The following DPYD variants were observed in gnomAD, a reference collection of about 807,000 sequenced individuals.
The protein encoded by DPYD is dihydropyrimidine dehydrogenase.
In DPYD, 109 loss-of-function variants were observed where a neutral mutation model predicts 116.2. The ratio of observed to expected loss-of-function variants is 0.94; its 90% confidence interval spans 0.80 to 1.10. The LOEUF (loss-of-function observed/expected upper bound fraction) is 1.10, where lower values mean the gene tolerates loss of function less well. DPYD is among the 50% of genes least tolerant of loss of function. The probability of loss-of-function intolerance (pLI) is 0.00; values close to 1 mark genes in which losing one functional copy is unlikely to be tolerated. For synonymous variants in DPYD, 440 were observed against 432.0 expected (o/e 1.02, Z -0.23); for missense variants, 1,302 against 1,254.5 (o/e 1.04, Z -0.57).
intron 2 of DPYD, among the ~76,000 whole-genome samples, chr1:97,833,929 T>C (rs1669645587): frequency 6.6e-6 from 1 of 152,054 alleles, no homozygotes; most frequent in Non-Finnish European, 1.5e-5. Flanking sequence ...CCTTAAAAAA[T>C]TACATTTTCA....
At chr1:97,868,342 T>C (rs1012317794) in intron 2 of DPYD, among the ~76,000 whole-genome samples, 12 of 151,776 alleles carry the variant, frequency 7.9e-5, no homozygotes, top group African/African-American at 2.7e-4. Flanking sequence ...CTTGATAACA[T>C]ACTATCTTGA....
intron 18 of DPYD, among the ~76,000 whole-genome samples, chr1:97,280,951 G>C (rs1665284028): frequency 6.6e-6 from 1 of 152,042 alleles, no homozygotes; most frequent in Non-Finnish European, 1.5e-5. Flanking sequence ...ACCCCGATTT[G>C]ATCATTATAC....
intron 8 of DPYD, among the ~76,000 whole-genome samples, chr1:97,653,256 G>A (rs1287813380): frequency 6.6e-6 from 1 of 151,148 alleles, no homozygotes; most frequent in Non-Finnish European, 1.5e-5. Context: ...AATGGAATCA[G>A]GTAAAAGTGG....
At chr1:97,631,860 T>G (rs1657280125) in intron 8 of DPYD, among the ~76,000 whole-genome samples, 1 of 151,874 alleles carries the variant, frequency 6.6e-6, no homozygotes, top group Non-Finnish European at 1.5e-5. Context: ...AAAAATAATA[T>G]TAGAGTATTT....
chr1:97,550,262 C>T (rs959172358), intron 11 of DPYD, among the ~76,000 whole-genome samples: 1 of 151,794 alleles, frequency 6.6e-6, no homozygotes, highest in African/African-American at 2.4e-5. Context: ...ATTATTTGCA[C>T]TTACTATTAA....
Position 97,828,097 on chromosome 1 carries a change from T to C in DPYD, c.233+17A>G. The stretch of plus-strand genomic sequence containing the variant: ...TTTACCACATCTGTGACTGTTGCTA[T>C]GGTGACCCAGACTTACCTCATTGCT... On this transcript the variant is annotated intron_variant, in intron 3 of 22. Transcript: ENST00000370192. 6.2e-7 allele frequency: 1 copy of C among 1,612,316 alleles called. No homozygotes were observed. Among genetic ancestry groups the C allele is most frequent in the Non-Finnish European group, 8.5e-7 (1 of 1,178,590 alleles).
At chr1:97,755,065 T>C (rs1485326545) in intron 3 of DPYD, among the ~76,000 whole-genome samples, 3 of 152,150 alleles carry the variant, frequency 2.0e-5, no homozygotes, top group Non-Finnish European at 4.4e-5. Context: ...GAAAGTAGCA[T>C]AGAGGTTGCA....
intron 2 of DPYD, among the ~76,000 whole-genome samples, chr1:97,840,276 A>G (rs548280857): frequency 6.6e-6 from 1 of 152,196 alleles, no homozygotes; most frequent in African/African-American, 2.4e-5. Flanking sequence ...CTCTCCCTTA[A>G]TCAACGAAAT....
At chr1:97,583,926 C>A (rs1653892239) in intron 10 of DPYD, among the ~76,000 whole-genome samples, 2 of 152,064 alleles carry the variant, frequency 1.3e-5, no homozygotes, top group Admixed American at 6.5e-5. Context: ...TGGGTATATA[C>A]CCAGTAATAG....
At chr1:97,186,731 C>T (rs1658016278) in intron 20 of DPYD, among the ~76,000 whole-genome samples, 1 of 152,144 alleles carries the variant, frequency 6.6e-6, no homozygotes, top group Admixed American at 6.5e-5. Context: ...CGCCTGTAAT[C>T]CCAGCTACTG....
chr1:97,373,784 A>G (rs1016455880), intron 15 of DPYD, 140 bp from the exon 16 acceptor site: 59 of 712,784 alleles, frequency 8.3e-5, no homozygotes, highest in Non-Finnish European at 7.9e-5. Flanking sequence ...TGTGAGGTAT[A>G]GTCTCTCTCT....
chr1:97,563,979 A>C (rs1652346238), intron 11 of DPYD, among the ~76,000 whole-genome samples: 1 of 152,214 alleles, frequency 6.6e-6, no homozygotes, highest in Non-Finnish European at 1.5e-5. Context: ...CTTTCAACCA[A>C]GCAAAAATAC....
intron 16 of DPYD, among the ~76,000 whole-genome samples, chr1:97,371,300 A>G (rs1015110029): frequency 5.9e-5 from 9 of 152,234 alleles, no homozygotes; most frequent in Admixed American, 2.6e-4. Flanking sequence ...TAATTCGTGA[A>G]GCAAATATTA....
At chr1:97,303,425 T>A (rs1057280300) in intron 18 of DPYD, among the ~76,000 whole-genome samples, 6 of 151,990 alleles carry the variant, frequency 3.9e-5, no homozygotes, top group African/African-American at 1.2e-4. Context: ...AAGGCAGCAT[T>A]TGAAGTCCTG....
At chr1:97,749,783 A>C (rs892560255) in intron 3 of DPYD, among the ~76,000 whole-genome samples, 3 of 152,032 alleles carry the variant, frequency 2.0e-5, no homozygotes, top group African/African-American at 7.2e-5. Flanking sequence ...GCTCACCACA[A>C]CTATGGTTTC....
chr1:97,704,641 T>A (rs534266953), intron 5 of DPYD, among the ~76,000 whole-genome samples: 17 of 152,156 alleles, frequency 1.1e-4, no homozygotes, highest in Middle Eastern at 3.4e-3. Flanking sequence ...GTCCAGTTAC[T>A]TACAGTATCA....
intron 16 of DPYD, among the ~76,000 whole-genome samples, chr1:97,366,942 T>C (rs10875075): frequency 0.33 from 49,753 of 151,978 alleles, 8,427 homozygotes; most frequent in East Asian, 0.55. Context: ...GAAAATACTA[T>C]GACTTTTCAG....
rs1654724682 is a variant in DPYD at position 97,594,258 on chromosome 1, T to C, written c.958+801A>G. Among the ~76,000 whole-genome samples the C allele has an allele frequency of 2.6e-5, 4 of 152,316 alleles. No individual in the cohort carries two copies. In the South Asian group the frequency reaches 8.3e-4, roughly 32 times the overall value. On this transcript the variant is annotated intron_variant, in intron 9 of 22. Coordinates refer to ENST00000370192, the MANE Select transcript of DPYD (RefSeq NM_000110.4). Reference sequence around the variant, plus strand: ...TTGTATTTGGGACACTCTGTAATTTTCAAATACAAGCTAGGTGCACTATGA... The same window carrying C: ...TTGTATTTGGGACACTCTGTAATTTCCAAATACAAGCTAGGTGCACTATGA...
chr1:97,699,691 T>C (rs946706792), intron 5 of DPYD, 144 bp from the exon 6 acceptor site: 6 of 811,090 alleles, frequency 7.4e-6, no homozygotes, highest in Non-Finnish European at 9.9e-6. Flanking sequence ...TTACAACTTT[T>C]ATTGTGTCAA....
Sources: gnomAD v4.1 joint callset for allele counts (sites outside exome capture counted in the v4.1 genomes callset) on GRCh38, gnomAD v4.1.1 for gene constraint, MANE v1.5 for transcripts, NCBI Gene and HGNC (gene_info 2026-07-23, HGNC 2026-07-21) for gene names.